The following CACNA2D1 variants were observed in gnomAD, a reference collection of about 807,000 sequenced individuals.
The protein encoded by CACNA2D1 is voltage-dependent calcium channel subunit alpha-2/delta-1.
CACNA2D1 carries 53 observed loss-of-function variants against 171.5 expected under a neutral mutation model. That is an observed-to-expected ratio of 0.31 (90% CI 0.25 to 0.39). The LOEUF is 0.39. Ranked by LOEUF, CACNA2D1 falls within the 10% of genes least tolerant of loss-of-function variation. CACNA2D1 has a pLI of 1.00. For synonymous variants in CACNA2D1, 442 were observed against 443.1 expected, an observed-to-expected ratio of 1.00 and a Z score of 0.03; for missense variants, 903 against 1,299.8, an observed-to-expected ratio of 0.69 and a Z score of 4.69.
intron 3 of CACNA2D1, among the ~76,000 whole-genome samples, chr7:82,225,328 A>G (rs577052008): frequency 6.6e-6 from 1 of 152,294 alleles, no homozygotes; most frequent in East Asian, 1.9e-4. Context: ...ACTTCAAAAG[A>G]CTTATTATAA....
chr7:82,205,039 A>C (rs1231785405), intron 3 of CACNA2D1, among the ~76,000 whole-genome samples: 2 of 152,170 alleles, frequency 1.3e-5, no homozygotes, highest in Admixed American at 1.3e-4. Flanking sequence ...GACACTGTAC[A>C]TGCAGCTTAT....
chr7:82,150,762 GT>G (rs1270998906), intron 4 of CACNA2D1, among the ~76,000 whole-genome samples: 1 of 152,034 alleles, frequency 6.6e-6, no homozygotes, highest in Non-Finnish European at 1.5e-5. Flanking sequence ...AGAAATCAGT[GT>G]TTTTATAGGG....
chr7:82,436,458 T>G (rs1830125550), intron 1 of CACNA2D1, among the ~76,000 whole-genome samples: 1 of 152,182 alleles, frequency 6.6e-6, no homozygotes, highest in South Asian at 2.1e-4. Flanking sequence ...ACTAAGAATT[T>G]TTAAGTACTT....
chr7:82,143,878 A>T (rs1275542871), intron 4 of CACNA2D1, among the ~76,000 whole-genome samples: 1 of 152,050 alleles, frequency 6.6e-6, no homozygotes, highest in African/African-American at 2.4e-5. Flanking sequence ...TGTTTTAAAA[A>T]CTCTAACAAA....
intron 20 of CACNA2D1, among the ~76,000 whole-genome samples, chr7:81,994,060 G>A (rs968779500): frequency 1.3e-5 from 2 of 152,046 alleles, no homozygotes; most frequent in African/African-American, 4.8e-5. Flanking sequence ...CTTCCACCTA[G>A]GGAAGGATCT....
intron 3 of CACNA2D1, among the ~76,000 whole-genome samples, chr7:82,185,439 AC>A (rs1352264211): frequency 5.3e-4 from 74 of 138,548 alleles, no homozygotes; most frequent in Admixed American, 1.2e-3. Flanking sequence ...ATAAATATCA[AC>A]AATGGAACAA....
intron 1 of CACNA2D1, among the ~76,000 whole-genome samples, chr7:82,437,595 A>T (rs1029608147): frequency 1.3e-5 from 2 of 152,202 alleles, no homozygotes; most frequent in Non-Finnish European, 2.9e-5. Context: ...ATATTGCTTT[A>T]TATATAACAG....
intron 10 of CACNA2D1, among the ~76,000 whole-genome samples, chr7:82,044,105 G>A (rs891474834): frequency 1.3e-5 from 2 of 152,024 alleles, no homozygotes; most frequent in East Asian, 1.9e-4. Context: ...GACTGGTTTC[G>A]AATTCCTGGC....
intron 6 of CACNA2D1, among the ~76,000 whole-genome samples, chr7:82,088,686 T>C (rs1425450382): frequency 2.0e-5 from 3 of 152,150 alleles, no homozygotes; most frequent in Admixed American, 6.5e-5. Context: ...AAAAATCCTT[T>C]GATTTGGCAA....
intron 21 of CACNA2D1, among the ~76,000 whole-genome samples, chr7:81,990,314 G>A (rs917262505): frequency 2.0e-5 from 3 of 152,068 alleles, no homozygotes; most frequent in Non-Finnish European, 4.4e-5. Flanking sequence ...AAAATTTTGA[G>A]CTTATGTTTT....
intron 1 of CACNA2D1, among the ~76,000 whole-genome samples, chr7:82,419,540 G>T (rs529432256): frequency 6.6e-6 from 1 of 152,192 alleles, no homozygotes; most frequent in South Asian, 2.1e-4. Context: ...CAGGAACAAG[G>T]GAAATTTACC....
At chr7:82,377,103 A>G (rs1035429109) in intron 1 of CACNA2D1, among the ~76,000 whole-genome samples, 8 of 152,214 alleles carry the variant, frequency 5.3e-5, no homozygotes, top group Non-Finnish European at 1.2e-4. Flanking sequence ...TCCATTATTC[A>G]AATTTTGTCA....
chr7:82,350,492 C>T (rs1053891097), intron 1 of CACNA2D1, among the ~76,000 whole-genome samples: 17 of 152,004 alleles, frequency 1.1e-4, no homozygotes, highest in African/African-American at 3.6e-4. Flanking sequence ...GGTGAAACCC[C>T]GTCTCTACTA....
At chr7:82,103,328 A>T (rs746833296) in intron 6 of CACNA2D1, among the ~76,000 whole-genome samples, 2 of 151,978 alleles carry the variant, frequency 1.3e-5, no homozygotes, top group Non-Finnish European at 2.9e-5. Flanking sequence ...AAAAAAACAG[A>T]AAGTCTGGAA....
intron 3 of CACNA2D1, among the ~76,000 whole-genome samples, chr7:82,288,825 C>T (rs1449675744): frequency 6.6e-6 from 1 of 152,114 alleles, no homozygotes; most frequent in Non-Finnish European, 1.5e-5. Context: ...GAAAATCAAG[C>T]CTTTTGGAGG....
chr7:82,116,291 T>C lies in CACNA2D1; in HGVS notation c.526+753A>G, dbSNP rs559612047. On this transcript the variant is annotated intron_variant, in intron 6 of 38. Transcript: ENST00000356860. ...CATTCTCAGACATGATAGAGCTGTC[T>C]TTTGGAAAATTCCTAGTTAGAATTC... Among the ~76,000 whole-genome samples the C allele has an allele frequency of 8.9e-4, 135 of 150,880 alleles. 1 individual carries two copies. The highest frequency in any genetic ancestry group is 2.8e-3 in the African/African-American group (114 of 41,406).
Position 81,959,203 on chromosome 7 carries a change from T to C in CACNA2D1, c.3159+72A>G, listed in dbSNP as rs546749676. On this transcript the variant is annotated intron_variant, in intron 38 of 38. Coordinates refer to ENST00000356860, the MANE Select transcript of CACNA2D1 (RefSeq NM_000722.4). ...TTACGTTTGAGTTAAAATTGCAATT[T>C]GTATCCTTGAATTCTTGCGGACAGT... 7 of 1,093,388 alleles carry C rather than the reference T, an allele frequency of 6.4e-6. No individual in the cohort carries two copies. In the East Asian group the frequency reaches 1.7e-4, roughly 26 times the overall value. 67.7% of individuals were successfully genotyped at this position (1,093,388 alleles called of 1,614,324 possible).
intron 1 of CACNA2D1, among the ~76,000 whole-genome samples, chr7:82,437,926 A>G (rs1830226742): frequency 6.6e-6 from 1 of 152,218 alleles, no homozygotes; most frequent in African/African-American, 2.4e-5. Flanking sequence ...ATTTCAAAGT[A>G]TATCTTATCT....
intron 37 of CACNA2D1, 29 bp from the exon 38 acceptor site, chr7:81,959,386 G>A (rs1317761666): frequency 5.4e-6 from 8 of 1,477,600 alleles, no homozygotes; most frequent in Non-Finnish European, 7.6e-6. Context: ...GGAATCTCAT[G>A]TTAGTTTTTT....
Sources: allele counts gnomAD v4.1 joint callset (sites outside exome capture counted in the v4.1 genomes callset), GRCh38; gene constraint gnomAD v4.1.1; transcripts MANE v1.5; gene names NCBI Gene and HGNC (gene_info 2026-07-23, HGNC 2026-07-21).